Variants in CELF2 observed in about 807,000 individuals in gnomAD.
CELF2 encodes CUGBP Elav-like family member 2.
In CELF2, 8 loss-of-function variants were observed where a neutral mutation model predicts 62.6. The observed-to-expected ratio is 0.13, with a 90% CI of 0.07 to 0.23. The LOEUF is 0.23. Ranked by LOEUF, CELF2 falls within the 10% of genes least tolerant of loss-of-function variation. The pLI is 1.00. For synonymous variants in CELF2, 258 were observed against 250.0 expected (o/e 1.03, Z -0.30); for missense variants, 333 against 671.0 (o/e 0.50, Z 5.56).
At chr10:10,620,963 C>T in the CELF2 span, among the ~76,000 whole-genome samples, 1 of 143,750 alleles carries the variant, frequency 7.0e-6, no homozygotes, top group Admixed American at 7.1e-5. Flanking sequence ...GTGGCTCACA[C>T]CTGTAATCCC....
chr10:10,655,250 C>G, the CELF2 span, among the ~76,000 whole-genome samples: 1 of 141,868 alleles, frequency 7.0e-6, no homozygotes, highest in African/African-American at 2.6e-5. Flanking sequence ...ACATTCCATG[C>G]TCATGGGGGT....
rs953945394 is a variant in CELF2, at chr10:11,268,824, C to A, written c.619-1842C>A. ...CCAGGACTCTGGCATACATCTTTAA[C>A]CAAGATGTATTACCTAATTCACAAT... On this transcript the variant is annotated intron_variant, in intron 6 of 12. Transcript: ENST00000633077. This position sits in a 1 kb window ranked among gnomAD's most constrained non-coding sequence, Gnocchi z 4.7. 6.6e-6 allele frequency among the ~76,000 whole-genome samples: 1 copy of A among 152,044 alleles called. No individual in the cohort carries two copies. Among genetic ancestry groups the A allele is most frequent in the Non-Finnish European group, 1.5e-5 (1 of 68,032 alleles).
At chr10:11,274,524 AATGGCTGCCC>A (rs1270079900) in intron 7 of CELF2, among the ~76,000 whole-genome samples, 1 of 152,240 alleles carries the variant, frequency 6.6e-6, no homozygotes, top group African/African-American at 2.4e-5. Flanking sequence ...GGACTTTTAA[AATGGCTGCCC>A]ATTTGCTTGG....
chr10:10,510,328 C>T, the CELF2 span, among the ~76,000 whole-genome samples: 8 of 152,190 alleles, frequency 5.3e-5, no homozygotes, highest in East Asian at 1.5e-3. Flanking sequence ...GCCCTCTGTG[C>T]AACTAGCTTC....
the CELF2 span, among the ~76,000 whole-genome samples, chr10:10,489,782 A>T: frequency 6.6e-6 from 1 of 152,014 alleles, no homozygotes; most frequent in African/African-American, 2.4e-5. Context: ...AATCAGCAAA[A>T]TGGTAAGATT....
chr10:10,766,146 C>T, the CELF2 span, among the ~76,000 whole-genome samples: 33 of 152,302 alleles, frequency 2.2e-4, no homozygotes, highest in Admixed American at 5.9e-4. Context: ...ACAGGAAGTG[C>T]AAATGCCATC....
At chr10:10,930,749 C>A (rs1055553048) in intron 2 of CELF2, among the ~76,000 whole-genome samples, 1 of 152,122 alleles carries the variant, frequency 6.6e-6, no homozygotes, top group Non-Finnish European at 1.5e-5. Context: ...TTTCCATAAC[C>A]TTTTGCCATT....
At chr10:10,989,048 G>A (rs555630192) in intron 2 of CELF2, among the ~76,000 whole-genome samples, 30 of 152,278 alleles carry the variant, frequency 2.0e-4, no homozygotes, top group African/African-American at 7.2e-4. Flanking sequence ...CCTTAAATCA[G>A]TAGTTAACAC....
the CELF2 span, among the ~76,000 whole-genome samples, chr10:10,769,220 C>T: frequency 1.6e-4 from 25 of 151,992 alleles, no homozygotes; most frequent in Admixed American, 5.2e-4. Flanking sequence ...GTCTATCAGG[C>T]GAGAGAAAAT....
At chr10:10,513,787 C>G in the CELF2 span, among the ~76,000 whole-genome samples, 31 of 152,126 alleles carry the variant, frequency 2.0e-4, no homozygotes, top group Non-Finnish European at 3.8e-4. Context: ...TGCATTAGAC[C>G]CATAGAAGGG....
intron 1 of CELF2, among the ~76,000 whole-genome samples, chr10:10,831,173 T>C (rs2057821156): frequency 6.6e-6 from 1 of 152,228 alleles, no homozygotes; most frequent in African/African-American, 2.4e-5. Context: ...GGATTTCCAA[T>C]TGCGCACTTC....
the CELF2 span, among the ~76,000 whole-genome samples, chr10:10,698,706 C>G: frequency 7.2e-5 from 11 of 152,176 alleles, no homozygotes; most frequent in Admixed American, 7.2e-4. Flanking sequence ...CAATGAAAGA[C>G]TTCTCATAGC....
At chr10:11,151,808 C>T (rs1280117169) in intron 1 of CELF2, among the ~76,000 whole-genome samples, 3 of 152,092 alleles carry the variant, frequency 2.0e-5, no homozygotes, top group African/African-American at 4.8e-5. Context: ...TATTCTTTCT[C>T]CTAAAAACAA....
At chr10:11,065,513 T>G (rs2067866423) in intron 1 of CELF2, among the ~76,000 whole-genome samples, 1 of 152,184 alleles carries the variant, frequency 6.6e-6, no homozygotes, top group Non-Finnish European at 1.5e-5. Context: ...CTTGGATCAT[T>G]GGAATCATAA....
intron 1 of CELF2, among the ~76,000 whole-genome samples, chr10:11,152,209 A>G (rs1157815789): frequency 6.6e-6 from 1 of 152,212 alleles, no homozygotes; most frequent in Non-Finnish European, 1.5e-5. Context: ...CCACAAAAAC[A>G]TATTCATGTA....
intron 1 of CELF2, among the ~76,000 whole-genome samples, chr10:11,026,144 C>T (rs2059166025): frequency 6.6e-6 from 1 of 152,206 alleles, no homozygotes; most frequent in Non-Finnish European, 1.5e-5. Flanking sequence ...ACATACGGTC[C>T]TCCGCGGACC....
chr10:10,820,510 TAA>T (rs1430666794), intron 1 of CELF2, among the ~76,000 whole-genome samples: 1 of 152,188 alleles, frequency 6.6e-6, no homozygotes, highest in Non-Finnish European at 1.5e-5. Context: ...TTGGTGAGTA[TAA>T]ACAGACATGG....
chr10:10,643,044 G>T, the CELF2 span, among the ~76,000 whole-genome samples: 1 of 152,242 alleles, frequency 6.6e-6, no homozygotes, highest in Non-Finnish European at 1.5e-5. Flanking sequence ...AGAAAGTTCT[G>T]TTGAAATGTA....
At chr10:10,856,803 C>T (rs2132989620) in intron 1 of CELF2, among the ~76,000 whole-genome samples, 1 of 152,254 alleles carries the variant, frequency 6.6e-6, no homozygotes, top group South Asian at 2.1e-4. Context: ...TATAACATTG[C>T]TGTAGTATCT....
Sources: gnomAD v4.1 joint callset for allele counts (sites outside exome capture counted in the v4.1 genomes callset) on GRCh38, gnomAD v4.1.1 for gene constraint, Gnocchi (gnomAD v3.1) non-coding constraint, MANE v1.5 for transcripts, NCBI Gene and HGNC (gene_info 2026-07-23, HGNC 2026-07-21) for gene names.